APBA2: variants seen among roughly 807,000 people sequenced by gnomAD.
APBA2 encodes the protein amyloid-beta A4 precursor protein-binding family A member 2.
A neutral mutation model predicts 75.0 loss-of-function variants in APBA2; 30 were observed. The ratio of observed to expected loss-of-function variants is 0.40; its 90% confidence interval spans 0.30 to 0.54. APBA2 has a LOEUF of 0.54. Among genes scored for constraint, APBA2 ranks in the 20% least tolerant of loss-of-function variants. The pLI, the probability that APBA2 is intolerant of heterozygous loss-of-function variation, is 0.49. For missense variants in APBA2, 801 were observed against 1,016.1 expected (o/e 0.79, Z 2.88); for synonymous variants, 444 against 409.6 (o/e 1.08, Z -1.01).
rs184708019 is a variant in APBA2 at position 28,923,763 on chromosome 15, C to T, written c.-95+2014C>T. Among the ~76,000 whole-genome samples the T allele has an allele frequency of 3.3e-4, 51 of 152,288 alleles. No homozygotes were observed. In the East Asian group the frequency reaches 6.6e-3, roughly 20 times the overall value. Reference sequence around the variant, plus strand: ...TCCCTGTTTAGACTATTGAGTAGCCCCCTGCTTTCTGCCTCACTCCCTTTT... The same window carrying T: ...TCCCTGTTTAGACTATTGAGTAGCCTCCTGCTTTCTGCCTCACTCCCTTTT... On this transcript the variant is annotated intron_variant, in intron 2 of 14. Transcript: ENST00000683413.
Position 28,958,400 on chromosome 15 carries a change from C to G in APBA2, c.-95+36651C>G, listed in dbSNP as rs565186613. Among the ~76,000 whole-genome samples the G allele has an allele frequency of 7.2e-5, 11 of 152,356 alleles. No homozygotes were observed. The South Asian group carries it at 2.3e-3, about 32-fold the overall frequency. ...ACAGCCTAGCCTGTCCTCACTGATC[C>G]AGGAGGAACCTGAAAAGTATTTTAA... On this transcript the variant is annotated intron_variant, in intron 2 of 14. Transcript: ENST00000683413.
chr15:28,905,166 A>G (rs1457056206), intron 1 of APBA2, among the ~76,000 whole-genome samples: 1 of 152,120 alleles, frequency 6.6e-6, no homozygotes, highest in African/African-American at 2.4e-5. Context: ...TGGTTGCCCT[A>G]GGAATCCAAG....
intron 3 of APBA2, among the ~76,000 whole-genome samples, chr15:29,032,051 G>A (rs920640822): frequency 6.6e-6 from 1 of 152,230 alleles, no homozygotes; most frequent in Admixed American, 6.5e-5. Context: ...GAAGAAGAGT[G>A]TGTAACTCTG....
chr15:28,937,817 C>T (rs559271175), intron 2 of APBA2, among the ~76,000 whole-genome samples: 244 of 152,100 alleles, frequency 1.6e-3, no homozygotes, highest in African/African-American at 5.4e-3. Context: ...CCACCACGCC[C>T]GGCTAATTGT....
chr15:29,059,863 G>T (rs1021109369), intron 4 of APBA2, among the ~76,000 whole-genome samples: 1 of 152,156 alleles, frequency 6.6e-6, no homozygotes, highest in South Asian at 2.1e-4. Context: ...CTTCTTGGGG[G>T]TTTACTGATT....
At chr15:29,093,300 G>C (rs930429225) in intron 7 of APBA2, 80 bp downstream of exon 7, 1 of 1,566,336 alleles carries the variant, frequency 6.4e-7, no homozygotes, top group African/African-American at 1.4e-5. Context: ...GCGGGGCGTA[G>C]GCCCTCTTCC....
intron 1 of APBA2, among the ~76,000 whole-genome samples, chr15:28,919,890 G>A (rs1030334914): frequency 6.6e-6 from 1 of 152,200 alleles, no homozygotes; most frequent in African/African-American, 2.4e-5. Flanking sequence ...GGTGCTCCGT[G>A]TGGCGACAGT....
In APBA2 at chr15:29,101,685, G is replaced by T; in HGVS notation, c.1425G>T (p.Met475Ile). The T allele has an allele frequency of 6.2e-7, 1 of 1,613,690 alleles. No homozygotes were observed. The highest frequency in any genetic ancestry group is 8.5e-7 in the Non-Finnish European group (1 of 1,180,032). Residue 475 changes from methionine (M) to isoleucine (I), a missense_variant, in exon 10 of 15, where the codon ATG becomes ATT. Physicochemically the swap from Met to Ile is conservative, Grantham distance 10. This residue lies in a region of APBA2 where 367 missense variants were observed against 544.5 expected (regional missense o/e 0.67). Transcript: ENST00000683413. ...NIVVLMARRR[M>I]PRSASQDCIE... ...TAGTGCTGATGGCCAGACGCCGCAT[G>T]CCCCGGTCAGCCTCTCAGGACTGCA...
intron 3 of APBA2, among the ~76,000 whole-genome samples, chr15:29,000,485 G>T (rs746621950): frequency 2.0e-5 from 3 of 152,214 alleles, no homozygotes; most frequent in Non-Finnish European, 4.4e-5. Flanking sequence ...TCCCTCTGAT[G>T]CAGCCGTCTT....
chr15:29,075,265 G>A (rs1258697044), intron 5 of APBA2, among the ~76,000 whole-genome samples: 1 of 152,206 alleles, frequency 6.6e-6, no homozygotes, highest in Non-Finnish European at 1.5e-5. Flanking sequence ...TGGTGTGTGT[G>A]TGGGGGTGGG....
chr15:28,977,415 C>T (rs1209212721), intron 2 of APBA2: 2 of 152,164 alleles, frequency 1.3e-5, no homozygotes, highest in Non-Finnish European at 2.9e-5. Context: ...CTTAGCAGAA[C>T]CCCACCCCCA....
chr15:28,899,393 A>G lies in APBA2; in HGVS notation c.-205+13115A>G, dbSNP rs547584610. Among the ~76,000 whole-genome samples, 8 of 152,358 alleles carry G rather than the reference A, an allele frequency of 5.3e-5. No individual in the cohort carries two copies. In the South Asian group the frequency reaches 1.7e-3, roughly 32 times the overall value. On this transcript the variant is annotated intron_variant, in intron 1 of 14. Transcript: ENST00000683413. ...GCTGTGAGCCCACCAGGATAGGGCCATGTCGCTGACTTCAGAGGAGAGAGA... is the reference window on the plus strand; with the variant it reads ...GCTGTGAGCCCACCAGGATAGGGCCGTGTCGCTGACTTCAGAGGAGAGAGA...
intron 2 of APBA2, among the ~76,000 whole-genome samples, chr15:28,928,517 T>A (rs1176373423): frequency 6.6e-6 from 1 of 152,114 alleles, no homozygotes; most frequent in Non-Finnish European, 1.5e-5. Flanking sequence ...TACATCTCAG[T>A]CTTTCTGTGG....
At chr15:28,994,013 G>C (rs2038376618) in intron 2 of APBA2, among the ~76,000 whole-genome samples, 1 of 152,206 alleles carries the variant, frequency 6.6e-6, no homozygotes, top group South Asian at 2.1e-4. Flanking sequence ...AACTGAGGCC[G>C]CATTGCTGGA....
intron 11 of APBA2, 86 bp downstream of exon 11, chr15:29,105,644 C>T: frequency 2.1e-6 from 3 of 1,440,600 alleles, no homozygotes; most frequent in Non-Finnish European, 2.9e-6. Context: ...TCCCGGGGTC[C>T]TCACGCACAC....
chr15:29,104,151 G>C (rs1179962270), intron 10 of APBA2, among the ~76,000 whole-genome samples: 2 of 152,250 alleles, frequency 1.3e-5, no homozygotes, highest in Non-Finnish European at 2.9e-5. Context: ...CACGTGGAGA[G>C]TGGGAAGGGA....
chr15:29,065,624 C>T (rs986722414), intron 4 of APBA2, among the ~76,000 whole-genome samples: 1 of 152,170 alleles, frequency 6.6e-6, no homozygotes, highest in Non-Finnish European at 1.5e-5. Context: ...TAGAGGCCTC[C>T]AGGACTTGCC....
intron 2 of APBA2, among the ~76,000 whole-genome samples, chr15:28,962,952 C>G (rs1457152461): frequency 6.6e-6 from 1 of 152,098 alleles, no homozygotes; most frequent in Non-Finnish European, 1.5e-5. Flanking sequence ...CACCATTATA[C>G]CACCTGCACA....
chr15:29,085,786 T>G (rs2043266225), intron 6 of APBA2, among the ~76,000 whole-genome samples: 1 of 152,168 alleles, frequency 6.6e-6, no homozygotes, highest in Admixed American at 6.5e-5. Context: ...TTGCCCCAGG[T>G]CTGGAACCAG....
Sources: gnomAD v4.1 joint callset for allele counts (sites outside exome capture counted in the v4.1 genomes callset) on GRCh38, gnomAD v4.1.1 for gene constraint, gnomAD v4.1.1 regional missense constraint, MANE v1.5 for transcripts, NCBI Gene and HGNC (gene_info 2026-07-23, HGNC 2026-07-21) for gene names.